SEMA3C: variants seen among roughly 807,000 people sequenced by gnomAD.
SEMA3C encodes semaphorin 3C.
A neutral mutation model predicts 89.4 loss-of-function variants in SEMA3C; 47 were observed. The ratio of observed to expected loss-of-function variants is 0.53; its 90% CI spans 0.42 to 0.67. The LOEUF is 0.67. SEMA3C is among the 30% of genes least tolerant of loss of function. The probability of loss-of-function intolerance (pLI) is 0.00; values close to 1 mark genes in which losing one functional copy is unlikely to be tolerated. For missense variants in SEMA3C, 839 were observed against 929.1 expected (o/e 0.90, Z 1.26); for synonymous variants, 310 against 320.2 (o/e 0.97, Z 0.34).
At position 80,775,007 on chromosome 7, in the gene SEMA3C, T is replaced by C. The variant is rs141569747; in HGVS notation, c.1355-9764A>G. ...GTCATGGGAACAAGGAACGTAATTA[T>C]TGGTAAGTTTTTATGAGAAACAAGG... On this transcript the variant is annotated intron_variant, in intron 12 of 17. Coordinates refer to ENST00000265361, the MANE Select transcript of SEMA3C (RefSeq NM_006379.5). 2.2e-3 allele frequency among the ~76,000 whole-genome samples: 341 copies of C among 151,948 alleles called. 3 individuals carry two copies. The highest frequency in any genetic ancestry group is 6.5e-3 in the African/African-American group (269 of 41,468).
At chr7:80,895,412 C>A (rs980263781) in intron 2 of SEMA3C, among the ~76,000 whole-genome samples, 5 of 152,078 alleles carry the variant, frequency 3.3e-5, no homozygotes, top group African/African-American at 1.2e-4. Context: ...TTAGTTTCTC[C>A]TATGTAAACT....
intron 12 of SEMA3C, among the ~76,000 whole-genome samples, chr7:80,768,895 A>AGT (rs1164484382): frequency 1.3e-5 from 2 of 152,192 alleles, no homozygotes; most frequent in African/African-American, 4.8e-5. Context: ...AAAACTCAGA[A>AGT]GAATACAGAT....
chr7:80,757,925 C>G (rs925956735), intron 15 of SEMA3C, among the ~76,000 whole-genome samples: 1 of 152,106 alleles, frequency 6.6e-6, no homozygotes, highest in Non-Finnish European at 1.5e-5. Flanking sequence ...AAGATCGCAC[C>G]ATTGCACTCC....
chr7:80,914,068 G>T (rs1339408185), intron 2 of SEMA3C, among the ~76,000 whole-genome samples: 1 of 152,086 alleles, frequency 6.6e-6, no homozygotes, highest in Non-Finnish European at 1.5e-5. Context: ...GAATCTAAAG[G>T]TACTTAGAGA....
At chr7:80,802,388 A>T (rs1233614600) in intron 9 of SEMA3C, among the ~76,000 whole-genome samples, 40 of 152,140 alleles carry the variant, frequency 2.6e-4, no homozygotes. Flanking sequence ...ATCATTACCT[A>T]TACACACATT....
intron 17 of SEMA3C, among the ~76,000 whole-genome samples, chr7:80,745,695 C>T (rs1286557787): frequency 6.6e-6 from 1 of 152,044 alleles, no homozygotes; most frequent in Non-Finnish European, 1.5e-5. Context: ...TCTATTCTAT[C>T]CTGGTGTTCT....
intron 5 of SEMA3C, among the ~76,000 whole-genome samples, chr7:80,814,199 T>C (rs1789544280): frequency 6.6e-6 from 1 of 151,904 alleles, no homozygotes; most frequent in Admixed American, 6.6e-5. Context: ...CACGCCATTC[T>C]CCTGCCAGCC....
At chr7:80,842,657 C>T (rs1790296618) in intron 2 of SEMA3C, among the ~76,000 whole-genome samples, 2 of 152,092 alleles carry the variant, frequency 1.3e-5, no homozygotes, top group Admixed American at 6.6e-5. Context: ...GACTTACAGA[C>T]ATTTTCATTC....
At position 80,789,948 on chromosome 7, in the gene SEMA3C, A is replaced by G. The variant is rs543127920; in HGVS notation, c.1132-420T>C. On this transcript the variant is annotated intron_variant, in intron 11 of 17. Transcript: ENST00000265361. ...AAATTCAGTCAAACTCTGACATGTAAAAGTTTTATTTCATCTGATCTGCCC... is the reference window on the plus strand; with the variant it reads ...AAATTCAGTCAAACTCTGACATGTAGAAGTTTTATTTCATCTGATCTGCCC... Among the ~76,000 whole-genome samples the G allele has an allele frequency of 2.0e-5, 3 of 152,258 alleles. No individual in the cohort carries two copies. The South Asian group carries it at 6.2e-4, about 32-fold the overall frequency.
chr7:80,800,152 C>CAAAAAAAAAAAAAAAAAA (rs1215573724), intron 10 of SEMA3C, among the ~76,000 whole-genome samples: 1 of 58,398 alleles, frequency 1.7e-5, no homozygotes. Flanking sequence ...GACTCCATCT[C>CAAAAAAAAAAAAAAAAAA]AAAAAAAAAA....
In SEMA3C at chr7:80,861,907, A is replaced by C. The variant is rs543386852; in HGVS notation, c.104-33162T>G. ...AAATCCAGCATCCCTTTATGATTAA[A>C]ACTCTCAGCAAAATCGACATACAAG... On this transcript the variant is annotated intron_variant, in intron 2 of 17. Coordinates refer to ENST00000265361, the MANE Select transcript of SEMA3C (RefSeq NM_006379.5). 2.6e-5 allele frequency among the ~76,000 whole-genome samples: 4 copies of C among 152,324 alleles called. No homozygotes were observed. In the East Asian group the frequency reaches 5.8e-4, roughly 22 times the overall value.
intron 12 of SEMA3C, among the ~76,000 whole-genome samples, chr7:80,780,505 T>C (rs950340923): frequency 2.0e-5 from 3 of 152,194 alleles, no homozygotes; most frequent in East Asian, 1.9e-4. Flanking sequence ...AAAAGAAGCA[T>C]AGATTAAGCC....
intron 17 of SEMA3C, among the ~76,000 whole-genome samples, chr7:80,748,556 G>C (rs958509217): frequency 6.6e-6 from 1 of 152,048 alleles, no homozygotes; most frequent in Admixed American, 6.6e-5. Context: ...CTTTTATCTT[G>C]TGAATCACAC....
chr7:80,748,702 G>A lies in SEMA3C; in HGVS notation c.1842+196C>T, dbSNP rs894320362. Among the ~76,000 whole-genome samples, 28 of 152,230 alleles carry A rather than the reference G, an allele frequency of 1.8e-4. 1 individual carries two copies. Among genetic ancestry groups the A allele is most frequent in the African/African-American group, 5.8e-4 (24 of 41,560 alleles). On this transcript the variant is annotated intron_variant, in intron 17 of 17. Coordinates refer to ENST00000265361, the MANE Select transcript of SEMA3C (RefSeq NM_006379.5). Reference sequence around the variant, plus strand: ...AATCACCATGTTACAGAGGTGAGCAGGCAGAGAGAATTCCTAATTAATCCA... The same window carrying A: ...AATCACCATGTTACAGAGGTGAGCAAGCAGAGAGAATTCCTAATTAATCCA...
At chr7:80,792,411 T>C (rs926410388) in intron 11 of SEMA3C, among the ~76,000 whole-genome samples, 16 of 152,222 alleles carry the variant, frequency 1.1e-4, no homozygotes, top group African/African-American at 3.9e-4. Flanking sequence ...TAAACTGAAA[T>C]GTCTCCTTAA....
chr7:80,775,455 A>G (rs1430474708), intron 12 of SEMA3C, among the ~76,000 whole-genome samples: 2 of 152,154 alleles, frequency 1.3e-5, no homozygotes, highest in Non-Finnish European at 2.9e-5. Context: ...CCTATATGTG[A>G]TATCTTACAG....
rs7791255 is a variant in SEMA3C, at chr7:80,907,845, C to A, written c.103+8834G>T. 8.0e-3 allele frequency among the ~76,000 whole-genome samples: 1,209 copies of A among 152,006 alleles called. 21 individuals carry two copies. Among genetic ancestry groups the A allele is most frequent in the African/African-American group, 0.025 (1,039 of 41,482 alleles). On this transcript the variant is annotated intron_variant, in intron 2 of 17. Transcript: ENST00000265361. ...ACTAGCGTACATCTATCTACAAGGG[C>A]AGACATGTTATTTAAAAGGCTCCAA...
chr7:80,789,608 A>T, intron 11 of SEMA3C, 80 bp from the exon 12 acceptor site: 4 of 997,248 alleles, frequency 4.0e-6, no homozygotes, highest in African/African-American at 3.3e-5. Flanking sequence ...TCTACTTTTG[A>T]AATCACTTAG....
chr7:80,821,301 T>G (rs2115776722), intron 4 of SEMA3C, among the ~76,000 whole-genome samples: 1 of 152,378 alleles, frequency 6.6e-6, no homozygotes, highest in Non-Finnish European at 1.5e-5. Flanking sequence ...AAAAATAACC[T>G]GTTTGAGACC....
Sources: gnomAD v4.1 joint callset for allele counts (sites outside exome capture counted in the v4.1 genomes callset) on GRCh38, gnomAD v4.1.1 for gene constraint, MANE v1.5 for transcripts, NCBI Gene and HGNC (gene_info 2026-07-23, HGNC 2026-07-21) for gene names.